Variants in SLC12A4 observed in about 807,000 individuals in gnomAD.
SLC12A4 encodes electroneutral potassium-chloride cotransporter 1.
SLC12A4 carries 84 observed loss-of-function variants against 119.2 expected under a neutral mutation model. The ratio of observed to expected loss-of-function variants is 0.70; its 90% CI spans 0.59 to 0.85. The LOEUF (loss-of-function observed/expected upper bound fraction) is 0.85, where lower values mean the gene tolerates loss of function less well. SLC12A4 is among the 40% of genes least tolerant of loss of function. The pLI is 0.00. For synonymous variants in SLC12A4, 599 were observed against 604.6 expected, an observed-to-expected ratio of 0.99 and a Z score of 0.14; for missense variants, 1,298 against 1,476.3, an observed-to-expected ratio of 0.88 and a Z score of 1.98.
rs2058328060 is a variant in SLC12A4, at chr16:67,945,220, C to G, written c.3033G>C (p.Pro1011=). 6.4e-7 allele frequency: 1 copy of G among 1,556,422 alleles called. No individual in the cohort carries two copies. Among genetic ancestry groups the G allele is most frequent in the East Asian group, 2.3e-5 (1 of 44,350 alleles). The part of the protein sequence containing the change: ...DNFRELVHIK[P]DQSNVRRMHT... ...GCATGCGCCGCACATTGGATTGGTC[C>G]CTACACGTAGTGTAGCCAGTCACAG... Residue 1011 remains proline, a splice_region_variant and synonymous_variant, in exon 23 of 24, where the codon CCG becomes CCC. Transcript: ENST00000316341.
chr16:67,945,041 C>T (rs1442150953), intron 23 of SLC12A4, 46 bp downstream of exon 23: 1 of 1,586,638 alleles, frequency 6.3e-7, no homozygotes, highest in Non-Finnish European at 8.6e-7. Context: ...GCTTGACCTC[C>T]CATGCTATCC....
chr16:67,954,546 C>G, intron 6 of SLC12A4, 97 bp downstream of exon 6: 1 of 1,470,610 alleles, frequency 6.8e-7, no homozygotes, highest in Middle Eastern at 2.1e-4. Context: ...CAGGCCTTGG[C>G]CAGACATGTG....
At chr16:67,962,904 T>C (rs1357086721) in intron 2 of SLC12A4, 1 of 152,222 alleles carries the variant, frequency 6.6e-6, no homozygotes, top group African/African-American at 2.4e-5. Context: ...AGTGGCTGAA[T>C]GCATGGGTCA....
chr16:67,957,169 ATTTTTT>A (rs34469845), intron 5 of SLC12A4, among the ~76,000 whole-genome samples: 3 of 120,800 alleles, frequency 2.5e-5, no homozygotes, highest in East Asian at 2.3e-4. Context: ...TGCCTGGCTA[ATTTTTT>A]TTTTTTTTTT....
chr16:67,961,669 A>G lies in SLC12A4; in HGVS notation c.248T>C (p.Leu83Pro). 6.2e-7 allele frequency: 1 copy of G among 1,614,144 alleles called. No individual in the cohort carries two copies. ...LDIRPKVSSL[L>P]GKLVSYTNLT... ...GTTGGTGTAGCTGACGAGCTTTCCC[A>G]GAAGAGACGATACCTTTGGGCGGAT... The change falls in exon 3 of 24, where the codon CTG becomes CCG. Residue 83 changes from leucine (L) to proline (P), a missense_variant. Coordinates refer to ENST00000316341, the MANE Select transcript of SLC12A4 (RefSeq NM_005072.5).
At position 67,951,040 on chromosome 16, in the gene SLC12A4, G is replaced by A. The variant is rs538096767; in HGVS notation, c.1318C>T (p.Arg440Cys). 46 of 1,613,958 alleles carry A rather than the reference G, an allele frequency of 2.9e-5. No individual in the cohort carries two copies. The highest frequency in any genetic ancestry group is 4.0e-5 in the African/African-American group (3 of 75,058). ...SVTGIMAGSN[R>C]SGDLRDAQKS... ...TGGGCGTCACGAAGGTCCCCAGAGCGGTTTGAGCCAGCCATGATGCCTCCA... is the reference window on the plus strand; with the variant it reads ...TGGGCGTCACGAAGGTCCCCAGAGCAGTTTGAGCCAGCCATGATGCCTCCA... Residue 440 changes from arginine to cysteine, a missense_variant, in exon 10 of 24, where the codon CGC becomes TGC. By Grantham distance (180) the Arg-to-Cys change is radical. Coordinates refer to ENST00000316341, the MANE Select transcript of SLC12A4 (RefSeq NM_005072.5). The surrounding 1 kb of genome is among the most constrained non-coding windows in gnomAD (Gnocchi z 5.2).
rs1008681443 is a variant in SLC12A4 at position 67,955,820 on chromosome 16, A to C, written c.545-1047T>G. Among the ~76,000 whole-genome samples the C allele has an allele frequency of 2.0e-4, 31 of 151,728 alleles. 1 individual carries two copies. Among genetic ancestry groups the C allele is most frequent in the African/African-American group, 7.5e-4 (31 of 41,228 alleles). ...TTTGAACCTGGGAGGCAGAGGGTGC[A>C]GTGAGCCGAGATCATGCCACTTCAC... On this transcript the variant is annotated intron_variant, in intron 5 of 23. Transcript: ENST00000316341.
At position 67,946,712 on chromosome 16, in the gene SLC12A4, C is replaced by T. The variant is rs929077182; in HGVS notation, c.2242-79G>A. 1.1e-5 allele frequency: 17 copies of T among 1,503,022 alleles called. No individual in the cohort carries two copies. The African/African-American group carries it at 1.4e-4, about 12-fold the overall frequency. The allele number at this position is 1,503,022 out of a possible 1,614,324, so 93.1% of individuals were successfully genotyped here. A position where few individuals can be genotyped will look rare whatever the true frequency, so the allele number is the denominator to read the frequency against. ...GCTCCCTCCCAAGGCCCCTCGGGAA[C>T]AAAACGACTTTTGGGTGGAGGAGGG... On this transcript the variant is annotated intron_variant, in intron 17 of 23. Coordinates refer to ENST00000316341, the MANE Select transcript of SLC12A4 (RefSeq NM_005072.5).
chr16:67,951,378 G>T lies in SLC12A4; in HGVS notation c.1133-74C>A. The T allele has an allele frequency of 6.5e-7, 1 of 1,530,498 alleles. No individual in the cohort carries two copies. Among genetic ancestry groups the T allele is most frequent in the Non-Finnish European group, 8.8e-7 (1 of 1,137,502 alleles). 94.8% of individuals were successfully genotyped at this position (1,530,498 alleles called of 1,614,324 possible). On this transcript the variant is annotated intron_variant, in intron 8 of 23. Transcript: ENST00000316341. The surrounding 1 kb of genome is among the most constrained non-coding windows in gnomAD (Gnocchi z 5.2). The stretch of plus-strand genomic sequence containing the variant: ...GTAGTTTGGGGCAGCCTAGCCAGAG[G>T]CGCAGATGCAGGGCAACTTTGGGGA...
intron 13 of SLC12A4, among the ~76,000 whole-genome samples, chr16:67,948,589 T>A (rs1015650994): frequency 2.0e-5 from 3 of 151,956 alleles, no homozygotes; most frequent in African/African-American, 7.3e-5. Context: ...TACTTAAGAG[T>A]CACTGCGGTG....
intron 2 of SLC12A4, among the ~76,000 whole-genome samples, 185 bp from the exon 3 acceptor site, chr16:67,961,891 G>A (rs1196846922): frequency 6.6e-6 from 1 of 152,212 alleles, no homozygotes; most frequent in Non-Finnish European, 1.5e-5. Context: ...CCAGCACGTG[G>A]CACTCAAAGG....
rs755706149 is a variant in SLC12A4 at position 67,947,329 on chromosome 16, A to G, written c.2072+2T>C. 2 of 1,609,998 alleles carry G rather than the reference A, an allele frequency of 1.2e-6. No individual in the cohort carries two copies. Among genetic ancestry groups the G allele is most frequent in the East Asian group, 2.2e-5 (1 of 44,742 alleles). The stretch of plus-strand genomic sequence containing the variant: ...CCTGGCCAGGGTCTGGCGGGAACTC[A>G]CCGCCAGTTCTTGGTGTGAGGAGGC... On this transcript the variant is annotated splice_donor_variant, in intron 16 of 23. Coordinates refer to ENST00000316341, the MANE Select transcript of SLC12A4 (RefSeq NM_005072.5). LOFTEE classifies it high-confidence loss of function.
At chr16:67,967,084 C>T (rs928579883) in intron 1 of SLC12A4, among the ~76,000 whole-genome samples, 1 of 152,206 alleles carries the variant, frequency 6.6e-6, no homozygotes, top group Admixed American at 6.5e-5. Context: ...TTGAATCAAG[C>T]TAGGGGCAGA....
At chr16:67,946,799 C>A in intron 17 of SLC12A4, 138 bp downstream of exon 17, 1 of 1,246,442 alleles carries the variant, frequency 8.0e-7, no homozygotes. Flanking sequence ...GCTGGCTCCC[C>A]CTTGTGCCAG....
chr16:67,961,213 T>A (rs538591317), intron 3 of SLC12A4, among the ~76,000 whole-genome samples: 5 of 152,178 alleles, frequency 3.3e-5, no homozygotes, highest in Non-Finnish European at 5.9e-5. Context: ...CTGACACTAT[T>A]TCCTTGTCTG....
Position 67,950,190 on chromosome 16 carries a change from C to T in SLC12A4, c.1629+129G>A, listed in dbSNP as rs769551540. 1.0e-4 allele frequency: 117 copies of T among 1,159,966 alleles called. No homozygotes were observed. Among genetic ancestry groups the T allele is most frequent in the Non-Finnish European group, 1.4e-4 (113 of 831,392 alleles). The allele number at this position is 1,159,966 out of a possible 1,614,324, so 71.9% of individuals were successfully genotyped here. A position where few individuals can be genotyped will look rare whatever the true frequency, so the allele number is the denominator to read the frequency against. ...CCCAGGGCACTTCTCAGTAGCTCCT[C>T]ATGGATGGCCGCCTGGCCCCGGGGG... On this transcript the variant is annotated intron_variant, in intron 12 of 23. Transcript: ENST00000316341. This position sits in a 1 kb window ranked among gnomAD's most constrained non-coding sequence, Gnocchi z 4.3.
In SLC12A4 at chr16:67,952,173, G is replaced by A; in HGVS notation, c.917+11C>T. On this transcript the variant is annotated intron_variant, in intron 7 of 23. Coordinates refer to ENST00000316341, the MANE Select transcript of SLC12A4 (RefSeq NM_005072.5). ...CCATGCAATGCCCAGATAAATTCCT[G>A]GGTTACTTACGGAAACACGGGAGGG... 1 of 1,613,458 alleles carries A rather than the reference G, an allele frequency of 6.2e-7. No homozygotes were observed. The highest frequency in any genetic ancestry group is 1.1e-5 in the South Asian group (1 of 91,066).
Position 67,946,520 on chromosome 16 carries a change from G to T in SLC12A4, c.2355C>A (p.Gly785=). Residue 785 remains glycine, a synonymous_variant, in exon 18 of 24, where the codon GGC becomes GGA. Transcript: ENST00000316341. The part of the protein sequence containing the change: ...AHLIQSCGLG[G]MRHNSVVLGW... ...CCAGCACCACGGAGTTATGCCGCATGCCTCCCAGGCCACAGGACTGGATGA... is the reference window on the plus strand; with the variant it reads ...CCAGCACCACGGAGTTATGCCGCATTCCTCCCAGGCCACAGGACTGGATGA... 1 of 1,610,428 alleles carries T rather than the reference G, an allele frequency of 6.2e-7. No homozygotes were observed.
rs2058408579 is a variant in SLC12A4, at chr16:67,950,996, C to T, written c.1362G>A (p.Gly454=). 6.2e-7 allele frequency: 1 copy of T among 1,613,874 alleles called. No individual in the cohort carries two copies. Among genetic ancestry groups the T allele is most frequent in the Non-Finnish European group, 8.5e-7 (1 of 1,180,008 alleles). ...AAGTTGTAATGATGGCCAGAATGGT[C>T]CCCACAGGGATAGACTTCTGGGCGT... ...LRDAQKSIPV[G]TILAIITTSL... Residue 454 remains glycine (G), a synonymous_variant, in exon 10 of 24, where the codon GGG becomes GGA. Transcript: ENST00000316341. This position sits in a 1 kb window ranked among gnomAD's most constrained non-coding sequence, Gnocchi z 4.3.
Sources: allele counts gnomAD v4.1 joint callset (sites outside exome capture counted in the v4.1 genomes callset), GRCh38; gene constraint gnomAD v4.1.1; non-coding constraint Gnocchi (gnomAD v3.1); transcripts MANE v1.5; gene names NCBI Gene and HGNC (gene_info 2026-07-23, HGNC 2026-07-21).